The following LTF variants were observed in gnomAD, a reference collection of about 807,000 sequenced individuals.
LTF encodes epididymis luminal protein 110.
Under a neutral mutation model 87.2 loss-of-function variants are expected in LTF, and 91 were observed. That is an observed-to-expected ratio of 1.04 (90% CI 0.88 to 1.24). LTF has a LOEUF of 1.24. LTF is among the 50% of genes most tolerant of loss of function. The pLI, the probability that LTF is intolerant of heterozygous loss-of-function variation, is 0.00. For synonymous variants in LTF, 378 were observed against 356.1 expected, an observed-to-expected ratio of 1.06 and a Z score of -0.69; for missense variants, 901 against 904.3, an observed-to-expected ratio of 1.00 and a Z score of 0.05.
chr3:46,449,912 T>G lies in LTF; in HGVS notation c.999A>C (p.Ile333=). 6.2e-7 allele frequency: 1 copy of G among 1,614,134 alleles called. No homozygotes were observed. Among genetic ancestry groups the G allele is most frequent in the Non-Finnish European group, 8.5e-7 (1 of 1,180,022 alleles). Residue 333 remains isoleucine (I), a synonymous_variant, in exon 8 of 17, where the codon ATA becomes ATC. Coordinates refer to ENST00000231751, the MANE Select transcript of LTF (RefSeq NM_002343.6). ...CGGAGCCAAGGTACAGCCCAGAATCTATCCTCGGGGGCACCCTCGAAAACC... is the reference window on the plus strand; with the variant it reads ...CGGAGCCAAGGTACAGCCCAGAATCGATCCTCGGGGGCACCCTCGAAAACC... ...AIGFSRVPPR[I]DSGLYLGSGY...
intron 1 of LTF, among the ~76,000 whole-genome samples, chr3:46,480,307 A>G (rs1377521820): frequency 6.6e-6 from 1 of 152,188 alleles, no homozygotes; most frequent in African/African-American, 2.4e-5. Context: ...GCTCTGTATC[A>G]TGTCCCTGGA....
intron 16 of LTF, 149 bp from the exon 17 acceptor site, chr3:46,436,378 C>A (rs1391753151): frequency 2.8e-6 from 2 of 724,710 alleles, no homozygotes; most frequent in African/African-American, 3.5e-5. Flanking sequence ...TATTCCCACT[C>A]CCCTACTCCT....
At position 46,482,655 on chromosome 3, in the gene LTF, A is replaced by G. The variant is rs71327074; in HGVS notation, c.-320+2331T>C. 9.7e-3 allele frequency among the ~76,000 whole-genome samples: 839 copies of G among 86,702 alleles called. 9 individuals are homozygous for G. Among genetic ancestry groups the G allele is most frequent in the Non-Finnish European group, 0.013 (568 of 42,760 alleles). The allele number at this position is 86,702 out of a possible 152,430, so 56.9% of individuals were successfully genotyped here. A position where few individuals can be genotyped will look rare whatever the true frequency, so the allele number is the denominator to read the frequency against. ...AAGAAAGAAAGAAAGAAAGAAAGAA[A>G]GAAAGAAGGAAGGAAGGAAGGAAGG... On this transcript the variant is annotated intron_variant, in intron 1 of 19. Transcript: ENST00000443496.
chr3:46,484,299 T>C (rs984768455), intron 1 of LTF, among the ~76,000 whole-genome samples: 2 of 152,198 alleles, frequency 1.3e-5, no homozygotes, highest in African/African-American at 4.8e-5. Flanking sequence ...AAGAACAAAG[T>C]TGTTTGGCAG....
At chr3:46,472,825 T>C (rs1223431464) in intron 1 of LTF, among the ~76,000 whole-genome samples, 1 of 152,134 alleles carries the variant, frequency 6.6e-6, no homozygotes, top group African/African-American at 2.4e-5. Context: ...AATCAAAGAA[T>C]TTGTCTCAGC....
intron 2 of LTF, among the ~76,000 whole-genome samples, chr3:46,470,146 G>C (rs1229801792): frequency 1.3e-5 from 2 of 152,224 alleles, no homozygotes; most frequent in Non-Finnish European, 2.9e-5. Context: ...CAATTCTCCT[G>C]GCCGGGATAG....
chr3:46,456,064 G>T, intron 3 of LTF, 86 bp from the exon 4 acceptor site: 1 of 1,260,812 alleles, frequency 7.9e-7, no homozygotes, highest in South Asian at 1.5e-5. Flanking sequence ...CCGGTGGGAA[G>T]GGGGAATGCT....
At chr3:46,438,619 G>T (rs990097030) in intron 15 of LTF, among the ~76,000 whole-genome samples, 3 of 152,156 alleles carry the variant, frequency 2.0e-5, no homozygotes, top group Non-Finnish European at 4.4e-5. Context: ...CCCATGTGGG[G>T]AGACTGAGAC....
At chr3:46,444,526 G>T (rs1235509344) in intron 12 of LTF, among the ~76,000 whole-genome samples, 1 of 152,240 alleles carries the variant, frequency 6.6e-6, no homozygotes, top group East Asian at 1.9e-4. Flanking sequence ...GCCACACTAT[G>T]TGTCAACCTC....
At chr3:46,463,654 T>G in intron 1 of LTF, 2 of 985,522 alleles carry the variant, frequency 2.0e-6, no homozygotes, top group Non-Finnish European at 2.4e-6. Context: ...GGTGCAACTC[T>G]GAGCCAGAAT....
intron 2 of LTF, among the ~76,000 whole-genome samples, chr3:46,459,152 TC>T (rs1703014422): frequency 6.6e-6 from 1 of 152,152 alleles, no homozygotes; most frequent in South Asian, 2.1e-4. Flanking sequence ...GAATCAGAAA[TC>T]ATATACAAGT....
intron 1 of LTF, among the ~76,000 whole-genome samples, chr3:46,476,383 A>G (rs1276113455): frequency 1.3e-5 from 2 of 152,244 alleles, no homozygotes; most frequent in African/African-American, 4.8e-5. Context: ...AGTTAGTTAT[A>G]AACATGAATG....
chr3:46,460,673 CCA>C (rs1703059106), intron 1 of LTF: 1 of 440,790 alleles, frequency 2.3e-6, no homozygotes, highest in Non-Finnish European at 4.6e-6. Context: ...GAGAGAGTGT[CCA>C]CACTCAACTC....
intron 3 of LTF, 56 bp from the exon 4 acceptor site, chr3:46,456,034 C>T: frequency 6.8e-7 from 1 of 1,460,330 alleles, no homozygotes; most frequent in Middle Eastern, 1.8e-4. Flanking sequence ...GGGACAAAAA[C>T]AACCCATCCT....
At position 46,439,148 on chromosome 3, in the gene LTF, G is replaced by T. The variant is rs571690487; in HGVS notation, c.1908+148C>A. ...TGTTCTTGTTGACACTCTGGGCAAC[G>T]CCACAGCATGAAGCCAATACTCTCA... On this transcript the variant is annotated intron_variant, in intron 15 of 16. Transcript: ENST00000231751. 1.4e-4 allele frequency: 100 copies of T among 689,778 alleles called. No homozygotes were observed. The African/African-American group carries it at 1.7e-3, about 11-fold the overall frequency. 42.7% of individuals were successfully genotyped at this position (689,778 alleles called of 1,614,324 possible).
chr3:46,448,386 T>C (rs1486197901), intron 9 of LTF, among the ~76,000 whole-genome samples: 1 of 148,834 alleles, frequency 6.7e-6, no homozygotes, highest in East Asian at 2.0e-4. Flanking sequence ...AAAAAATTAA[T>C]GCTTTCCAAG....
At position 46,443,952 on chromosome 3, in the gene LTF, C is replaced by T. The variant is rs146908868; in HGVS notation, c.1514-370G>A. Among the ~76,000 whole-genome samples, 374 of 152,238 alleles carry T rather than the reference C, an allele frequency of 2.5e-3. 2 individuals carry two copies. The highest frequency in any genetic ancestry group is 8.4e-3 in the African/African-American group (349 of 41,520). ...ATTTTGTTTTTATCAGTAATGGAAA[C>T]CCTGCTTTGTATCTGGGTGCTTGGC... is the stretch of plus-strand genomic sequence containing the variant. On this transcript the variant is annotated intron_variant, in intron 12 of 16. Coordinates refer to ENST00000231751, the MANE Select transcript of LTF (RefSeq NM_002343.6).
intron 1 of LTF, among the ~76,000 whole-genome samples, chr3:46,464,147 G>T (rs749773843): frequency 1.3e-5 from 2 of 152,186 alleles, no homozygotes; most frequent in Non-Finnish European, 2.9e-5. Flanking sequence ...AATGTGCAGC[G>T]CTGGGGAGTG....
Position 46,445,331 on chromosome 3 carries a change from C to T in LTF, c.1463G>A (p.Trp488Ter). ...CHTAVDRTAGWNIPMGLLFNQ... is the reference protein window; with the variant it reads ...CHTAVDRTAG ...GAAGAGCAGGCCCATGGGGATATTC[C>T]AGCCTGCAGTCCTGTCCACGGCGGT... Residue 488 changes from tryptophan (W) to a stop codon, truncating the protein, a stop_gained, in exon 12 of 17, where the codon TGG becomes TAG. Coordinates refer to ENST00000231751, the MANE Select transcript of LTF (RefSeq NM_002343.6). LOFTEE classifies it high-confidence loss of function. The T allele has an allele frequency of 6.2e-7, 1 of 1,613,806 alleles. No homozygotes were observed.
Sources: gnomAD v4.1 joint callset for allele counts (sites outside exome capture counted in the v4.1 genomes callset) on GRCh38, gnomAD v4.1.1 for gene constraint, MANE v1.5 for transcripts, NCBI Gene and HGNC (gene_info 2026-07-23, HGNC 2026-07-21) for gene names.